The following PCDH11X variants were observed in gnomAD, a reference collection of about 807,000 sequenced individuals.
PCDH11X encodes the protein protocadherin-11 X-linked.
In PCDH11X, 18 loss-of-function variants were observed where a neutral mutation model predicts 53.3. The observed-to-expected ratio is 0.34, with a 90% CI of 0.23 to 0.50. The LOEUF (loss-of-function observed/expected upper bound fraction) is 0.50. Ranked by LOEUF, PCDH11X falls within the 20% of genes least tolerant of loss-of-function variation. The pLI is 0.98. For synonymous variants in PCDH11X, 279 were observed against 393.3 expected, an observed-to-expected ratio of 0.71 and a Z score of 3.44; for missense variants, 570 against 1,032.4, an observed-to-expected ratio of 0.55 and a Z score of 6.14.
chrX:92,013,913 C>T (rs1307134617), intron 6 of PCDH11X, among the ~76,000 whole-genome samples: 42 of 111,624 alleles, frequency 3.8e-4, no homozygotes, highest in Admixed American at 6.7e-4. Flanking sequence ...AATGTTAGAC[C>T]TAAAACCATA....
intron 6 of PCDH11X, among the ~76,000 whole-genome samples, chrX:91,995,788 A>T (rs2147950631): frequency 9.0e-6 from 1 of 111,199 alleles, no homozygotes; most frequent in Admixed American, 9.5e-5. Flanking sequence ...TAGACATGGT[A>T]ACACTATAAA....
intron 10 of PCDH11X, among the ~76,000 whole-genome samples, chrX:92,553,501 T>C (rs2074997132): frequency 1.8e-5 from 2 of 109,674 alleles, no homozygotes; most frequent in Admixed American, 9.8e-5. Flanking sequence ...AGTTTGTCAA[T>C]TTGTTTAACT....
intron 8 of PCDH11X, among the ~76,000 whole-genome samples, chrX:92,271,744 A>C (rs2067964847): frequency 8.9e-6 from 1 of 112,308 alleles, no homozygotes; most frequent in Non-Finnish European, 1.9e-5. Flanking sequence ...GAACCTCATC[A>C]TCATGCTCTT....
At chrX:92,172,208 T>C (rs2065836661) in intron 6 of PCDH11X, among the ~76,000 whole-genome samples, 1 of 109,568 alleles carries the variant, frequency 9.1e-6, no homozygotes, top group African/African-American at 3.3e-5. Context: ...TATCCTCTTC[T>C]TGTTCCTGAT....
At chrX:92,605,323 A>G (rs899874142) in intron 10 of PCDH11X, among the ~76,000 whole-genome samples, 4 of 111,135 alleles carry the variant, frequency 3.6e-5, no homozygotes, top group Non-Finnish European at 7.5e-5. Context: ...TAAATTGGTT[A>G]AAGAAGAAAC....
intron 8 of PCDH11X, among the ~76,000 whole-genome samples, chrX:92,310,186 G>A (rs774495354): frequency 9.0e-6 from 1 of 111,638 alleles, no homozygotes; most frequent in South Asian, 3.7e-4. Context: ...CACCGTGTCC[G>A]GTATTCGCTC....
chrX:92,315,701 G>A (rs1343809579), intron 8 of PCDH11X, among the ~76,000 whole-genome samples: 4 of 106,536 alleles, frequency 3.8e-5, no homozygotes, highest in Non-Finnish European at 7.7e-5. Context: ...ATGCTGGGCT[G>A]ATTTCTGTAT....
intron 10 of PCDH11X, among the ~76,000 whole-genome samples, chrX:92,506,216 C>CTTTTCTTTTT (rs2074055476): frequency 2.5e-5 from 1 of 40,209 alleles, no homozygotes; most frequent in African/African-American, 1.1e-4. Flanking sequence ...CTTTTCTTTT[C>CTTTTCTTTTT]TTTTTTTTTT....
chrX:92,262,791 T>C (rs1016913439), intron 7 of PCDH11X, among the ~76,000 whole-genome samples: 1 of 111,416 alleles, frequency 9.0e-6, no homozygotes, highest in Non-Finnish European at 1.9e-5. Context: ...AATATCTAAT[T>C]GGAAGGGTGC....
At chrX:92,433,159 T>C (rs1010337104) in intron 9 of PCDH11X, among the ~76,000 whole-genome samples, 11 of 111,294 alleles carry the variant, frequency 9.9e-5, no homozygotes, top group African/African-American at 3.6e-4. Context: ...AGAGCTATTA[T>C]TGTAATTGCT....
chrX:91,865,942 G>C (rs980536347), intron 5 of PCDH11X, among the ~76,000 whole-genome samples: 40 of 109,866 alleles, frequency 3.6e-4, no homozygotes, highest in African/African-American at 1.3e-3. Context: ...TGCTACCCAA[G>C]GGTCGTGTCC....
chrX:92,460,750 A>C lies in PCDH11X; in HGVS notation c.3344-7549A>C, dbSNP rs1456013323. 1.5e-5 allele frequency: 17 copies of C among 1,135,838 alleles called. No homozygotes were observed. In the Admixed American group the frequency reaches 3.6e-4, roughly 24 times the overall value. 93.6% of individuals were successfully genotyped at this position (1,135,838 alleles called of 1,213,427 possible). A position where few individuals can be genotyped will look rare whatever the true frequency, so the allele number is the denominator to read the frequency against. On this transcript the variant is annotated intron_variant, in intron 9 of 10. Transcript: ENST00000682573. ...GACAGTGCCAGGCCCAGGAGTAATGAGGCCCTGCTGAACATCAAGGTCAAG... is the reference window on the plus strand; with the variant it reads ...GACAGTGCCAGGCCCAGGAGTAATGCGGCCCTGCTGAACATCAAGGTCAAG...
In PCDH11X at chrX:92,471,489, A is replaced by T. The variant is rs191195549; in HGVS notation, c.3367+3167A>T. On this transcript the variant is annotated intron_variant, in intron 10 of 10. Transcript: ENST00000682573. ...GTATTCCATGGTGTATATGTACCACATATTCTTTACCCAGTCTGTAATTGA... is the reference window on the plus strand; with the variant it reads ...GTATTCCATGGTGTATATGTACCACTTATTCTTTACCCAGTCTGTAATTGA... Among the ~76,000 whole-genome samples, 970 of 107,690 alleles carry T rather than the reference A, an allele frequency of 9.0e-3. 12 individuals carry two copies. The highest frequency in any genetic ancestry group is 0.03 in the African/African-American group (879 of 29,527). The allele number at this position is 107,690 out of a possible 115,157, so 93.5% of individuals were successfully genotyped here.
At chrX:91,899,585 T>C (rs192668450) in intron 6 of PCDH11X, among the ~76,000 whole-genome samples, 3 of 110,119 alleles carry the variant, frequency 2.7e-5, no homozygotes, top group African/African-American at 9.9e-5. Context: ...AAATTATATA[T>C]ATATATACAT....
At chrX:92,113,204 A>G in intron 6 of PCDH11X, 1 of 1,156,242 alleles carries the variant, frequency 8.6e-7, no homozygotes, top group Admixed American at 2.3e-5. Flanking sequence ...GCCCCCCGAG[A>G]TTGAGCCCTG....
chrX:92,295,929 A>C (rs896012454), intron 8 of PCDH11X, among the ~76,000 whole-genome samples: 2 of 109,441 alleles, frequency 1.8e-5, no homozygotes, highest in African/African-American at 6.7e-5. Flanking sequence ...AAAAAACACA[A>C]AAAATTAGCT....
At chrX:92,385,587 C>A (rs772312961) in intron 8 of PCDH11X, among the ~76,000 whole-genome samples, 1 of 108,238 alleles carries the variant, frequency 9.2e-6, no homozygotes, top group Non-Finnish European at 1.9e-5. Flanking sequence ...GTAATCCTAG[C>A]ACTTTTGGAG....
intron 10 of PCDH11X, among the ~76,000 whole-genome samples, chrX:92,528,437 C>T (rs1365045882): frequency 9.0e-6 from 1 of 110,766 alleles, no homozygotes; most frequent in African/African-American, 3.3e-5. Context: ...GGATTATAGG[C>T]ATGCACCACC....
chrX:91,931,796 A>G (rs1191239619), intron 6 of PCDH11X, among the ~76,000 whole-genome samples: 9 of 110,702 alleles, frequency 8.1e-5, no homozygotes, highest in Non-Finnish European at 1.3e-4. Flanking sequence ...ATAGAAAAAT[A>G]CGTCATTATA....
Sources: gnomAD v4.1 joint callset for allele counts (sites outside exome capture counted in the v4.1 genomes callset) on GRCh38, gnomAD v4.1.1 for gene constraint, MANE v1.5 for transcripts, NCBI Gene and HGNC (gene_info 2026-07-23, HGNC 2026-07-21) for gene names.